Variants in EFHC2 observed in about 807,000 individuals in gnomAD.
The protein encoded by EFHC2 is EF-hand domain containing 2.
Under a neutral mutation model 52.7 loss-of-function variants are expected in EFHC2, and 18 were observed. That is an observed-to-expected ratio of 0.34 (90% CI 0.24 to 0.51). The LOEUF (loss-of-function observed/expected upper bound fraction) is 0.51, where lower values mean the gene tolerates loss of function less well. EFHC2 is among the 20% of genes least tolerant of loss of function. The pLI is 0.97. For missense variants in EFHC2, 513 were observed against 562.5 expected (o/e 0.91, Z 0.89); for synonymous variants, 203 against 204.1 (o/e 0.99, Z 0.04).
intron 4 of EFHC2, among the ~76,000 whole-genome samples, chrX:44,256,556 C>T (rs2037493238): frequency 9.0e-6 from 1 of 111,667 alleles, no homozygotes; most frequent in South Asian, 3.7e-4. Flanking sequence ...TTCCTGGACA[C>T]ATACACCCTC....
chrX:44,148,720 G>T lies in EFHC2; in HGVS notation c.*75C>A. On this transcript the variant is annotated 3_prime_UTR_variant, in exon 15 of 15. Coordinates refer to ENST00000420999, the MANE Select transcript of EFHC2 (RefSeq NM_025184.4). Reference sequence around the variant, plus strand: ...ACCTTGTTTCTTTTTTGTTTTTAATGAAATTATATCTACTAAAGTAAATGT... The same window carrying T: ...ACCTTGTTTCTTTTTTGTTTTTAATTAAATTATATCTACTAAAGTAAATGT... 1.2e-6 allele frequency: 1 copy of T among 849,554 alleles called. No individual in the cohort carries two copies. 70.0% of individuals were successfully genotyped at this position (849,554 alleles called of 1,213,427 possible).
intron 2 of EFHC2, among the ~76,000 whole-genome samples, chrX:44,276,196 T>C (rs748708933): frequency 3.6e-5 from 4 of 111,275 alleles, no homozygotes; most frequent in African/African-American, 9.8e-5. Context: ...ATCAGGAGGA[T>C]TGAAACACTT....
intron 11 of EFHC2, among the ~76,000 whole-genome samples, chrX:44,226,189 G>A (rs978070171): frequency 8.0e-5 from 9 of 111,896 alleles, no homozygotes; most frequent in African/African-American, 2.6e-4. Context: ...AGAATGATCC[G>A]ATCAGAGTTT....
At chrX:44,297,522 C>G (rs2037834429) in intron 2 of EFHC2, among the ~76,000 whole-genome samples, 1 of 109,263 alleles carries the variant, frequency 9.2e-6, no homozygotes, top group African/African-American at 3.3e-5. Flanking sequence ...TCAGGAGTTC[C>G]AGACCAGCCT....
At chrX:44,236,574 T>A (rs774107104) in intron 8 of EFHC2, among the ~76,000 whole-genome samples, 4 of 112,397 alleles carry the variant, frequency 3.6e-5, no homozygotes, top group Non-Finnish European at 7.5e-5. Context: ...AAAGTGCTTT[T>A]CTCTGCTCCT....
intron 13 of EFHC2, among the ~76,000 whole-genome samples, chrX:44,166,338 A>T (rs2036696338): frequency 1.8e-5 from 2 of 111,304 alleles, no homozygotes. Flanking sequence ...GAGAGGGAAA[A>T]AGAGAGTATT....
chrX:44,184,119 T>C (rs2036855450), intron 11 of EFHC2, among the ~76,000 whole-genome samples: 2 of 111,862 alleles, frequency 1.8e-5, no homozygotes, highest in Non-Finnish European at 3.8e-5. Flanking sequence ...TGTGAGGGCT[T>C]GCCATCTCTC....
At chrX:44,333,877 C>CT (rs1489359826) in intron 1 of EFHC2, among the ~76,000 whole-genome samples, 9 of 111,621 alleles carry the variant, frequency 8.1e-5, no homozygotes, top group Non-Finnish European at 1.9e-5. Context: ...CTCCTTCCTG[C>CT]TTGTCTTGAA....
chrX:44,268,185 T>G (rs2037591409), intron 3 of EFHC2, among the ~76,000 whole-genome samples: 2 of 111,845 alleles, frequency 1.8e-5, no homozygotes, highest in South Asian at 7.5e-4. Context: ...TAAAGTTGTC[T>G]TTTACTCAGG....
intron 1 of EFHC2, among the ~76,000 whole-genome samples, chrX:44,318,591 C>CA: frequency 8.9e-6 from 1 of 112,292 alleles, no homozygotes; most frequent in Middle Eastern, 4.7e-3. Context: ...TCACACACCA[C>CA]AAATGAGCTA....
intron 5 of EFHC2, among the ~76,000 whole-genome samples, chrX:44,249,179 G>A (rs1602175802): frequency 9.0e-6 from 1 of 111,165 alleles, no homozygotes; most frequent in African/African-American, 3.3e-5. Context: ...GCTCCCTCTG[G>A]GACAAATTGT....
At position 44,205,114 on chromosome X, in the gene EFHC2, C is replaced by A. The variant is rs773915013; in HGVS notation, c.1751+24535G>T. ...TTTCATACCCCACCAAACTAAGCTT[C>A]ATAAACGAAGGTGAGTCTTTACCAG... On this transcript the variant is annotated intron_variant, in intron 11 of 14. Transcript: ENST00000420999. Among the ~76,000 whole-genome samples, 6 of 111,693 alleles carry A rather than the reference C, an allele frequency of 5.4e-5. No individual in the cohort carries two copies. In the South Asian group the frequency reaches 2.3e-3, roughly 42 times the overall value.
chrX:44,322,689 C>CTGTGCT (rs1358177441), intron 1 of EFHC2, among the ~76,000 whole-genome samples: 1 of 112,009 alleles, frequency 8.9e-6, no homozygotes. Flanking sequence ...GAGAGAATAT[C>CTGTGCT]TGTGCCTGTG....
At chrX:44,318,636 G>A (rs2037997424) in intron 1 of EFHC2, among the ~76,000 whole-genome samples, 1 of 112,207 alleles carries the variant, frequency 8.9e-6, no homozygotes, top group South Asian at 3.7e-4. Flanking sequence ...GCAGATTCAT[G>A]AGGCCTTCTC....
intron 2 of EFHC2, among the ~76,000 whole-genome samples, chrX:44,276,281 AG>A (rs778060186): frequency 5.2e-4 from 58 of 111,347 alleles, no homozygotes; most frequent in Non-Finnish European, 8.7e-4. Context: ...TTATTTAACT[AG>A]TCAGGTATGG....
intron 11 of EFHC2, among the ~76,000 whole-genome samples, chrX:44,182,927 A>C (rs1022389918): frequency 1.8e-5 from 2 of 111,421 alleles, no homozygotes; most frequent in Non-Finnish European, 3.8e-5. Context: ...GACTCAAAAA[A>C]ATGCCAAGAT....
chrX:44,248,844 T>C lies in EFHC2; in HGVS notation c.931A>G (p.Ile311Val), dbSNP rs2037420775. The change falls in exon 6 of 15, where the codon ATA becomes GTA. Residue 311 changes from isoleucine to valine, a missense_variant. Ile to Val is a conservative substitution (Grantham distance 29). Coordinates refer to ENST00000420999, the MANE Select transcript of EFHC2 (RefSeq NM_025184.4). ...AGGTAGCCATCCGCTTGGTTCTTTA[T>C]AAAGTCACCATATGAATTGAGAACT... ...RAVLNSYGDF[I>V]KNQADGYLFD... 1 of 1,210,711 alleles carries C rather than the reference T, an allele frequency of 8.3e-7. No individual in the cohort carries two copies.
intron 14 of EFHC2, 143 bp from the exon 15 acceptor site, chrX:44,149,039 G>A: frequency 2.1e-6 from 1 of 473,188 alleles, no homozygotes; most frequent in Non-Finnish European, 3.6e-6. Context: ...CTGGATACTT[G>A]TTCTTGATTC....
intron 1 of EFHC2, among the ~76,000 whole-genome samples, chrX:44,312,987 G>A (rs2037957942): frequency 9.2e-6 from 1 of 108,253 alleles, no homozygotes; most frequent in Non-Finnish European, 1.9e-5. Context: ...TAAACCTAAT[G>A]TTCCATGCTA....
Sources: gnomAD v4.1 joint callset for allele counts (sites outside exome capture counted in the v4.1 genomes callset) on GRCh38, gnomAD v4.1.1 for gene constraint, MANE v1.5 for transcripts, NCBI Gene and HGNC (gene_info 2026-07-23, HGNC 2026-07-21) for gene names.